Variants in ERC1 observed in about 807,000 individuals in gnomAD.
The protein encoded by ERC1 is RAB6 interacting protein 2.
Under a neutral mutation model 132.0 loss-of-function variants are expected in ERC1, and 56 were observed. The observed-to-expected ratio is 0.42, with a 90% CI of 0.34 to 0.53. ERC1 has a LOEUF of 0.53. ERC1 is among the 20% of genes least tolerant of loss of function. ERC1 has a pLI of 0.03. For missense variants in ERC1, 1,202 were observed against 1,349.9 expected (o/e 0.89, Z 1.72); for synonymous variants, 478 against 476.1 (o/e 1.00, Z -0.05).
In ERC1 at chr12:1,494,850, G is replaced by T; in HGVS notation, c.*4620G>T. The T allele has an allele frequency of 4.3e-6, 1 of 230,480 alleles. No homozygotes were observed. Among genetic ancestry groups the T allele is most frequent in the Non-Finnish European group, 8.6e-6 (1 of 116,248 alleles). The allele number at this position is 230,480 out of a possible 1,614,324, so 14.3% of individuals were successfully genotyped here. A position where few individuals can be genotyped will look rare whatever the true frequency, so the allele number is the denominator to read the frequency against. ...TTTTAAAAATGCAAACCAATATCTT[G>T]TTAATAAAGGAATTCAAGCTATGGG... On this transcript the variant is annotated 3_prime_UTR_variant, in exon 19 of 19. Transcript: ENST00000360905.
At chr12:1,099,047 G>A (rs1444931418) in intron 3 of ERC1, among the ~76,000 whole-genome samples, 1 of 152,146 alleles carries the variant, frequency 6.6e-6, no homozygotes, top group Non-Finnish European at 1.5e-5. Context: ...AGAGTTCCAG[G>A]GAGATGAGGA....
At position 1,421,336 on chromosome 12, in the gene ERC1, A is replaced by G. The variant is rs183838247; in HGVS notation, c.3024+13089A>G. Among the ~76,000 whole-genome samples, 10 of 152,344 alleles carry G rather than the reference A, an allele frequency of 6.6e-5. No homozygotes were observed. In the East Asian group the frequency reaches 1.9e-3, roughly 29 times the overall value. On this transcript the variant is annotated intron_variant, in intron 17 of 18. Transcript: ENST00000360905. Reference sequence around the variant, plus strand: ...GGGTTTAATTATCTCAAGGCAGCTGATCAGAGGACGAGAGATATTTCTCAA... The same window carrying G: ...GGGTTTAATTATCTCAAGGCAGCTGGTCAGAGGACGAGAGATATTTCTCAA...
intron 17 of ERC1, among the ~76,000 whole-genome samples, chr12:1,434,186 C>A (rs571556719): frequency 2.0e-5 from 3 of 152,206 alleles, no homozygotes; most frequent in South Asian, 2.1e-4. Flanking sequence ...ATATTAGATT[C>A]TCTGATTATA....
chr12:1,015,160 C>T (rs148805004), intron 1 of ERC1, among the ~76,000 whole-genome samples: 3,336 of 152,004 alleles, frequency 0.022, 57 homozygotes, highest in Non-Finnish European at 0.031. Flanking sequence ...CCTCTGCCTC[C>T]GGAGTTCAGG....
intron 15 of ERC1, among the ~76,000 whole-genome samples, chr12:1,292,596 G>A (rs941986634): frequency 6.6e-6 from 1 of 152,140 alleles, no homozygotes; most frequent in African/African-American, 2.4e-5. Flanking sequence ...CCAAAAAAAG[G>A]TCTCCCACAA....
chr12:1,098,384 A>C (rs1944294142), intron 3 of ERC1, among the ~76,000 whole-genome samples: 1 of 152,240 alleles, frequency 6.6e-6, no homozygotes, highest in Admixed American at 6.5e-5. Context: ...TGCTCTCTTG[A>C]AAATAGACAA....
At chr12:1,420,697 C>T (rs2092389917) in intron 17 of ERC1, among the ~76,000 whole-genome samples, 1 of 152,086 alleles carries the variant, frequency 6.6e-6, no homozygotes, top group East Asian at 1.9e-4. Flanking sequence ...CCTCATGATC[C>T]ACCCACCTCG....
intron 16 of ERC1, among the ~76,000 whole-genome samples, chr12:1,373,972 C>T (rs1002240147): frequency 2.2e-4 from 34 of 152,212 alleles, no homozygotes; most frequent in African/African-American, 8.0e-4. Flanking sequence ...ACAGTCATCT[C>T]CTGCCTCCCT....
chr12:1,093,907 AT>A (rs982958202), intron 3 of ERC1, among the ~76,000 whole-genome samples: 7 of 139,440 alleles, frequency 5.0e-5, no homozygotes, highest in African/African-American at 1.3e-4. Flanking sequence ...ATAAATATAT[AT>A]TTTTCTATAT....
chr12:1,370,307 T>C (rs2087077272), intron 15 of ERC1, among the ~76,000 whole-genome samples: 1 of 152,224 alleles, frequency 6.6e-6, no homozygotes, highest in Non-Finnish European at 1.5e-5. Context: ...AATTATTAGC[T>C]AAACCACAAG....
chr12:1,289,206 T>C lies in ERC1; in HGVS notation c.2620-646T>C, dbSNP rs182919392. 2.0e-4 allele frequency among the ~76,000 whole-genome samples: 29 copies of C among 147,766 alleles called. No homozygotes were observed. In the East Asian group the frequency reaches 4.9e-3, roughly 25 times the overall value. On this transcript the variant is annotated intron_variant, in intron 14 of 18. Coordinates refer to ENST00000360905, the MANE Select transcript of ERC1 (RefSeq NM_178040.4). ...ATAGTATATATATAATATATATATA[T>C]ACACTGCCTATGTAGTATATAGGTA...
At chr12:1,398,372 CAAAT>C (rs1306511970) in intron 16 of ERC1, among the ~76,000 whole-genome samples, 3 of 151,972 alleles carry the variant, frequency 2.0e-5, no homozygotes, top group Non-Finnish European at 4.4e-5. Flanking sequence ...TTAGAGAAAA[CAAAT>C]AACAAGTAAT....
intron 3 of ERC1, among the ~76,000 whole-genome samples, chr12:1,096,578 T>G (rs73037087): frequency 0.025 from 3,740 of 152,252 alleles, 74 homozygotes; most frequent in South Asian, 0.061. Flanking sequence ...ATGGACAAAC[T>G]AGGCTGGGAG....
intron 15 of ERC1, among the ~76,000 whole-genome samples, chr12:1,319,021 A>G (rs2081951527): frequency 6.6e-6 from 1 of 152,192 alleles, no homozygotes; most frequent in South Asian, 2.1e-4. Flanking sequence ...GGGAGTAATT[A>G]TGTGTCAGAA....
chr12:1,195,740 A>C (rs1192825526), intron 12 of ERC1, among the ~76,000 whole-genome samples: 1 of 152,146 alleles, frequency 6.6e-6, no homozygotes, highest in African/African-American at 2.4e-5. Flanking sequence ...GAAATGGACT[A>C]TTCCTGAAAC....
intron 14 of ERC1, among the ~76,000 whole-genome samples, chr12:1,286,021 A>AT (rs1417181222): frequency 1.3e-5 from 2 of 152,140 alleles, no homozygotes; most frequent in East Asian, 3.8e-4. Flanking sequence ...GGCGTGGTTA[A>AT]TTTTTTGTAG....
intron 15 of ERC1, among the ~76,000 whole-genome samples, chr12:1,314,706 T>G (rs1157133265): frequency 6.6e-6 from 1 of 152,228 alleles, no homozygotes. Flanking sequence ...TCAAAGCTTT[T>G]TTCTTTTAGA....
At chr12:1,050,716 A>T (rs1971800370) in intron 2 of ERC1, among the ~76,000 whole-genome samples, 1 of 152,224 alleles carries the variant, frequency 6.6e-6, no homozygotes, top group African/African-American at 2.4e-5. Context: ...ATAAAAAATG[A>T]AAGTGTAAAT....
intron 1 of ERC1, among the ~76,000 whole-genome samples, chr12:1,001,684 TTTTG>T (rs1343643922): frequency 2.0e-5 from 3 of 152,164 alleles, no homozygotes; most frequent in African/African-American, 7.2e-5. Context: ...TGACTCAACA[TTTTG>T]TTTGTAAGAT....
Sources: allele counts gnomAD v4.1 joint callset (sites outside exome capture counted in the v4.1 genomes callset), GRCh38; gene constraint gnomAD v4.1.1; transcripts MANE v1.5; gene names NCBI Gene and HGNC (gene_info 2026-07-23, HGNC 2026-07-21).